The following KIF1A variants were observed in gnomAD, a reference collection of about 807,000 sequenced individuals.
The protein encoded by KIF1A is kinesin family member 1A, also known as kinesin-like protein KIF1A.
Under a neutral mutation model 227.3 loss-of-function variants are expected in KIF1A, and 46 were observed. The ratio of observed to expected loss-of-function variants is 0.20; its 90% confidence interval spans 0.16 to 0.26. KIF1A has a LOEUF of 0.26. Ranked by LOEUF, KIF1A falls within the 10% of genes least tolerant of loss-of-function variation. The pLI is 1.00. For missense variants in KIF1A, 1,683 were observed against 2,485.9 expected, an observed-to-expected ratio of 0.68 and a Z score of 6.87; for synonymous variants, 1,022 against 1,012.8, an observed-to-expected ratio of 1.01 and a Z score of -0.17.
At position 240,752,353 on chromosome 2, in the gene KIF1A, A is replaced by C. The variant is rs937986423; in HGVS notation, c.2859-1806T>G. ...TGGCCCTAGTCACGAGAGGACACTG[A>C]GGCCCACAGGGCGGGGCCCCTCCCC... On this transcript the variant is annotated intron_variant, in intron 27 of 48. Transcript: ENST00000498729. This position sits in a 1 kb window ranked among gnomAD's most constrained non-coding sequence, Gnocchi z 6.4. 1.3e-5 allele frequency among the ~76,000 whole-genome samples: 2 copies of C among 152,070 alleles called. No homozygotes were observed. The highest frequency in any genetic ancestry group is 2.9e-5 in the Non-Finnish European group (2 of 68,018).
In KIF1A at chr2:240,786,403, G is replaced by A. The variant is rs766172551; in HGVS notation, c.540C>T (p.Asp180=). The part of the protein sequence containing the change: ...EHPLLGPYVE[D]LSKLAVTSYN... ...AGGAGGTGACAGCCAGCTTGGAGAG[G>A]TCCTCCACGTAGGGCCCCAGCAGTG... Residue 180 remains aspartate, a synonymous_variant, in exon 6 of 49, where the codon GAC becomes GAT. Transcript: ENST00000498729. 4 of 1,613,554 alleles carry A rather than the reference G, an allele frequency of 2.5e-6. No homozygotes were observed. The highest frequency in any genetic ancestry group is 1.7e-5 in the Admixed American group (1 of 60,004).
At chr2:240,741,843 T>A (rs939152219) in intron 34 of KIF1A, among the ~76,000 whole-genome samples, 2 of 152,124 alleles carry the variant, frequency 1.3e-5, no homozygotes, top group African/African-American at 4.8e-5. Flanking sequence ...AGAGGACCTG[T>A]CCCTCAGCTC....
At chr2:240,782,466 C>A (rs2054186080) in intron 10 of KIF1A, 124 bp downstream of exon 10, 1 of 1,098,850 alleles carries the variant, frequency 9.1e-7, no homozygotes, top group South Asian at 1.5e-5. Context: ...GGGATCCACC[C>A]CCACGTCCCC....
chr2:240,736,226 A>G lies in KIF1A; in HGVS notation c.4007+837T>C, dbSNP rs1195665652. ...CCCTCAAAGACGTTTTCCTACAAAC[A>G]CAGCCATGGAGACACCTGCGGCTTC... On this transcript the variant is annotated intron_variant, in intron 38 of 48. Transcript: ENST00000498729. This position sits in a 1 kb window ranked among gnomAD's most constrained non-coding sequence, Gnocchi z 4.7. 2.0e-5 allele frequency among the ~76,000 whole-genome samples: 3 copies of G among 152,164 alleles called. No homozygotes were observed. The highest frequency in any genetic ancestry group is 4.8e-5 in the African/African-American group (2 of 41,434).
chr2:240,780,402 C>T (rs1449860198), intron 10 of KIF1A, among the ~76,000 whole-genome samples: 1 of 152,054 alleles, frequency 6.6e-6, no homozygotes, highest in African/African-American at 2.4e-5. Context: ...TTTCCCCAAG[C>T]GATTCCCCAC....
intron 7 of KIF1A, among the ~76,000 whole-genome samples, chr2:240,784,373 C>A (rs1180085543): frequency 3.3e-5 from 5 of 152,144 alleles, no homozygotes; most frequent in African/African-American, 1.2e-4. Flanking sequence ...ACCACAGGAC[C>A]CTCTCGGTGC....
At chr2:240,718,245 G>A in intron 47 of KIF1A, 77 bp from the exon 48 acceptor site, 1 of 1,012,406 alleles carries the variant, frequency 9.9e-7, no homozygotes, top group South Asian at 1.4e-5. Flanking sequence ...CCAGGGCCCA[G>A]GCAGGCAGGG....
rs761162677 is a variant in KIF1A, at chr2:240,787,331, G to A, written c.364-15C>T. 1.7e-5 allele frequency: 28 copies of A among 1,611,900 alleles called. No homozygotes were observed. Among genetic ancestry groups the A allele is most frequent in the Non-Finnish European group, 2.2e-5 (26 of 1,178,686 alleles). ...TCCTCGCAGAGCTGCAGGAATGGGG[G>A]GACAGTCAGCCAGGGAGGGCTGGGG... On this transcript the variant is annotated splice_polypyrimidine_tract_variant and intron_variant, in intron 4 of 48. Coordinates refer to ENST00000498729, the MANE Select transcript of KIF1A (RefSeq NM_001244008.2).
Position 240,721,008 on chromosome 2 carries a change from C to T in KIF1A, c.4774G>A (p.Asp1592Asn), listed in dbSNP as rs1298786851. Residue 1592 changes from aspartate (D) to asparagine (N), a missense_variant, in exon 45 of 49, where the codon GAC (aspartate) becomes AAC (asparagine). Physicochemically the swap from Asp to Asn is conservative, Grantham distance 23. Around this residue, in one of 12 missense-constraint regions of KIF1A, gnomAD observed 384 missense variants for 410.1 expected, o/e 0.94. Transcript: ENST00000498729. ...LSEMSVTLLR[D>N]PSMSPLGVAT... ...ACCCCTAGAGGGGACATCGACGGGT[C>T]CCGGAGCAGGGTGACAGACATCTCG... The T allele has an allele frequency of 1.2e-6, 2 of 1,611,298 alleles. No individual in the cohort carries two copies. The highest frequency in any genetic ancestry group is 1.1e-5 in the South Asian group (1 of 90,590).
rs1315924043 is a variant in KIF1A at position 240,772,555 on chromosome 2, A to G, written c.1207+15T>C. 1 of 1,547,990 alleles carries G rather than the reference A, an allele frequency of 6.5e-7. No homozygotes were observed. Among genetic ancestry groups the G allele is most frequent in the East Asian group, 2.4e-5 (1 of 40,894 alleles). ...TGGAAGCAGAGATGCAGAGAGCAGC[A>G]AAGGGAATACACACATTTGGGTCCT... On this transcript the variant is annotated intron_variant, in intron 14 of 48. Coordinates refer to ENST00000498729, the MANE Select transcript of KIF1A (RefSeq NM_001244008.2).
intron 1 of KIF1A, among the ~76,000 whole-genome samples, chr2:240,813,420 C>T (rs1476533582): frequency 6.6e-6 from 1 of 152,222 alleles, no homozygotes; most frequent in Non-Finnish European, 1.5e-5. Context: ...ACTCAGGCAC[C>T]TGGTGGAAGG....
At chr2:240,723,790 C>G (rs1265391028) in intron 41 of KIF1A, among the ~76,000 whole-genome samples, 185 bp downstream of exon 41, 3 of 152,210 alleles carry the variant, frequency 2.0e-5, no homozygotes, top group Admixed American at 6.5e-5. Context: ...CCCAAGGAAG[C>G]CAGCAGGCCT....
At chr2:240,796,523 A>T (rs1229744637) in intron 2 of KIF1A, among the ~76,000 whole-genome samples, 1 of 151,810 alleles carries the variant, frequency 6.6e-6, no homozygotes, top group Non-Finnish European at 1.5e-5. Flanking sequence ...TCCCAAATAA[A>T]CTCTTGGTGC....
At position 240,778,488 on chromosome 2, in the gene KIF1A, C is replaced by T. The variant is rs377761554; in HGVS notation, c.883-2562G>A. Among the ~76,000 whole-genome samples the T allele has an allele frequency of 5.8e-5, 8 of 137,832 alleles. No homozygotes were observed. The highest frequency in any genetic ancestry group is 2.3e-4 in the African/African-American group (8 of 34,268). The allele number at this position is 137,832 out of a possible 152,430, so 90.4% of individuals were successfully genotyped here. A position where few individuals can be genotyped will look rare whatever the true frequency, so the allele number is the denominator to read the frequency against. On this transcript the variant is annotated intron_variant, in intron 10 of 48. Transcript: ENST00000498729. The surrounding 1 kb of genome is among the most constrained non-coding windows in gnomAD (Gnocchi z 7.2). ...TCCATTTCTCAGAGCTCTCAGCAGG[C>T]GCTCGCAGCTCCCGCACAGCGTTAC...
At chr2:240,729,621 T>C (rs1312655784) in intron 38 of KIF1A, among the ~76,000 whole-genome samples, 2 of 152,194 alleles carry the variant, frequency 1.3e-5, no homozygotes, top group Non-Finnish European at 2.9e-5. Flanking sequence ...GAGCTGTAAG[T>C]AGAACATGAA....
At chr2:240,810,220 A>C (rs561084484) in intron 1 of KIF1A, among the ~76,000 whole-genome samples, 1 of 152,356 alleles carries the variant, frequency 6.6e-6, no homozygotes, top group South Asian at 2.1e-4. Context: ...AGGTATCTGC[A>C]ACACATACAA....
At chr2:240,785,565 G>C (rs73102667) in intron 6 of KIF1A, among the ~76,000 whole-genome samples, 4,265 of 152,304 alleles carry the variant, frequency 0.028, 210 homozygotes, top group African/African-American at 0.096. Flanking sequence ...GAAGCCCAAG[G>C]CTGCTGAGGG....
At chr2:240,813,435 G>T (rs921787633) in intron 1 of KIF1A, among the ~76,000 whole-genome samples, 10 of 152,206 alleles carry the variant, frequency 6.6e-5, no homozygotes, top group Non-Finnish European at 1.3e-4. Flanking sequence ...GGAAGGCAGG[G>T]GTGAGAAGTG....
At position 240,788,975 on chromosome 2, in the gene KIF1A, G is replaced by A. The variant is rs1260101198; in HGVS notation, c.183+261C>T. The stretch of plus-strand genomic sequence containing the variant: ...GGCATTCTGACTTTGGGATGTCTGG[G>A]GGAAAAGTCACCAGCAGATGGACGT... On this transcript the variant is annotated intron_variant, in intron 3 of 48. Transcript: ENST00000498729. The surrounding 1 kb of genome is among the most constrained non-coding windows in gnomAD (Gnocchi z 6.6). Among the ~76,000 whole-genome samples, 2 of 152,106 alleles carry A rather than the reference G, an allele frequency of 1.3e-5. No homozygotes were observed. The highest frequency in any genetic ancestry group is 4.8e-5 in the African/African-American group (2 of 41,410).
Sources: allele counts gnomAD v4.1 joint callset (sites outside exome capture counted in the v4.1 genomes callset), GRCh38; gene constraint gnomAD v4.1.1; regional missense constraint gnomAD v4.1.1; non-coding constraint Gnocchi (gnomAD v3.1); transcripts MANE v1.5; gene names NCBI Gene and HGNC (gene_info 2026-07-23, HGNC 2026-07-21).